RHBDD1: variants seen among roughly 807,000 people sequenced by gnomAD.
RHBDD1 encodes the protein rhomboid domain containing 1.
A neutral mutation model predicts 36.3 loss-of-function variants in RHBDD1; 38 were observed. The ratio of observed to expected loss-of-function variants is 1.05; its 90% CI spans 0.81 to 1.37. RHBDD1 has a LOEUF of 1.37. Among genes scored for constraint, RHBDD1 ranks in the 40% most tolerant of loss-of-function variants. The pLI, the probability that RHBDD1 is intolerant of heterozygous loss-of-function variation, is 0.00. For missense variants in RHBDD1, 393 were observed against 377.6 expected (o/e 1.04, Z -0.34); for synonymous variants, 151 against 136.5 (o/e 1.11, Z -0.74).
intron 8 of RHBDD1, among the ~76,000 whole-genome samples, chr2:226,944,265 A>G (rs780031248): frequency 2.0e-5 from 3 of 152,142 alleles, no homozygotes; most frequent in African/African-American, 4.8e-5. Flanking sequence ...ATTCTACTCT[A>G]TTGTAGATAG....
intron 3 of RHBDD1, among the ~76,000 whole-genome samples, chr2:226,848,579 A>G (rs181300247): frequency 2.8e-4 from 42 of 152,318 alleles, no homozygotes; most frequent in African/African-American, 8.7e-4. Context: ...TCACAAGTCA[A>G]ATCACCACTC....
intron 5 of RHBDD1, among the ~76,000 whole-genome samples, chr2:226,902,950 T>G (rs1258883079): frequency 6.6e-6 from 1 of 152,268 alleles, no homozygotes; most frequent in Non-Finnish European, 1.5e-5. Flanking sequence ...GGTTGAAGTT[T>G]TAAATTGAAA....
At chr2:226,914,419 C>A in intron 8 of RHBDD1, 68 bp downstream of exon 8, 4 of 1,499,836 alleles carry the variant, frequency 2.7e-6, no homozygotes, top group Middle Eastern at 1.8e-4. Context: ...TGAAAAAGAG[C>A]TATTTGTAGC....
chr2:226,826,971 A>G, the RHBDD1 span, among the ~76,000 whole-genome samples: 5 of 151,610 alleles, frequency 3.3e-5, no homozygotes, highest in East Asian at 9.8e-4. Context: ...ATTTTTTATT[A>G]TTATTTCTTA....
At chr2:226,979,128 A>T (rs1433169121) in intron 8 of RHBDD1, among the ~76,000 whole-genome samples, 1 of 152,062 alleles carries the variant, frequency 6.6e-6, no homozygotes, top group Non-Finnish European at 1.5e-5. Flanking sequence ...AACAAAGGAA[A>T]CCTGCAGCGC....
chr2:226,854,465 G>A (rs113831736), intron 3 of RHBDD1, among the ~76,000 whole-genome samples: 5,647 of 152,002 alleles, frequency 0.037, 361 homozygotes, highest in African/African-American at 0.13. Context: ...ATGCTGGCGC[G>A]CGCCTGTAAT....
At chr2:226,869,196 T>C in intron 5 of RHBDD1, 1 of 985,078 alleles carries the variant, frequency 1.0e-6, no homozygotes, top group Non-Finnish European at 1.2e-6. Flanking sequence ...GTCATATGCA[T>C]ATTCTTTGTG....
At chr2:226,889,241 C>T (rs1036256453) in intron 5 of RHBDD1, among the ~76,000 whole-genome samples, 1 of 152,176 alleles carries the variant, frequency 6.6e-6, no homozygotes, top group Non-Finnish European at 1.5e-5. Flanking sequence ...TGTTGTCACC[C>T]ATTCGGCTAG....
chr2:226,877,280 A>T (rs1273253420), intron 5 of RHBDD1, among the ~76,000 whole-genome samples: 2 of 152,174 alleles, frequency 1.3e-5, no homozygotes, highest in Non-Finnish European at 2.9e-5. Context: ...TGCATTGATT[A>T]TTTGGAAATA....
At chr2:226,973,159 G>A (rs1175867803) in intron 8 of RHBDD1, among the ~76,000 whole-genome samples, 1 of 152,176 alleles carries the variant, frequency 6.6e-6, no homozygotes, top group East Asian at 1.9e-4. Context: ...CAGTGTGTAT[G>A]TGTGTGTACG....
At chr2:226,837,229 C>T (rs1378527797) in intron 1 of RHBDD1, among the ~76,000 whole-genome samples, 1 of 152,188 alleles carries the variant, frequency 6.6e-6, no homozygotes, top group Non-Finnish European at 1.5e-5. Context: ...TAACACAAAA[C>T]ACATAGAAAA....
At chr2:226,903,876 C>T (rs1022526755) in intron 5 of RHBDD1, among the ~76,000 whole-genome samples, 2 of 152,098 alleles carry the variant, frequency 1.3e-5, no homozygotes, top group Admixed American at 6.6e-5. Context: ...AGCAGAACGG[C>T]GCAACAGAGA....
chr2:226,866,811 TC>T (rs1356241153), intron 4 of RHBDD1, among the ~76,000 whole-genome samples: 1 of 152,204 alleles, frequency 6.6e-6, no homozygotes, highest in African/African-American at 2.4e-5. Flanking sequence ...AACATGTTTT[TC>T]CATAGAGGTT....
chr2:226,915,929 G>T (rs572805064), intron 8 of RHBDD1, among the ~76,000 whole-genome samples: 2 of 152,278 alleles, frequency 1.3e-5, no homozygotes, highest in South Asian at 4.2e-4. Context: ...GCTGATTTTG[G>T]CTAGCGAGCT....
intron 8 of RHBDD1, among the ~76,000 whole-genome samples, chr2:226,973,155 G>A (rs1953906086): frequency 6.6e-6 from 1 of 152,116 alleles, no homozygotes; most frequent in Non-Finnish European, 1.5e-5. Context: ...TTTGCAGTGT[G>A]TATGTGTGTG....
At chr2:226,841,334 G>C (rs955583193) in intron 3 of RHBDD1, among the ~76,000 whole-genome samples, 3 of 151,950 alleles carry the variant, frequency 2.0e-5, no homozygotes, top group East Asian at 3.9e-4. Flanking sequence ...TCAAGGGTAC[G>C]TGTGTAGGAT....
At chr2:226,968,793 CG>C (rs1370837956) in intron 8 of RHBDD1, among the ~76,000 whole-genome samples, 1 of 152,178 alleles carries the variant, frequency 6.6e-6, no homozygotes, top group African/African-American at 2.4e-5. Flanking sequence ...AAAGTATAAT[CG>C]GTGTTTGCAG....
chr2:226,829,383 T>C, the RHBDD1 span, among the ~76,000 whole-genome samples: 1 of 152,178 alleles, frequency 6.6e-6, no homozygotes, highest in East Asian at 1.9e-4. Flanking sequence ...AGGGACCAGC[T>C]TGTGAAGTGT....
intron 8 of RHBDD1, chr2:226,988,350 A>G: frequency 6.5e-7 from 1 of 1,550,096 alleles, no homozygotes; most frequent in South Asian, 1.2e-5. Context: ...GGTCATAAAG[A>G]GACAATGGCA....
Sources: allele counts gnomAD v4.1 joint callset (sites outside exome capture counted in the v4.1 genomes callset), GRCh38; gene constraint gnomAD v4.1.1; transcripts MANE v1.5; gene names NCBI Gene and HGNC (gene_info 2026-07-23, HGNC 2026-07-21).